CALN1: variants seen among roughly 807,000 people sequenced by gnomAD.
The protein encoded by CALN1 is calcium-binding protein 8.
Under a neutral mutation model 30.6 loss-of-function variants are expected in CALN1, and 17 were observed. That is an observed-to-expected ratio of 0.56 (90% CI 0.38 to 0.83). The LOEUF (loss-of-function observed/expected upper bound fraction) is 0.83, where lower values mean the gene tolerates loss of function less well. Among genes scored for constraint, CALN1 ranks in the 40% least tolerant of loss-of-function variants. The pLI, the probability that CALN1 is intolerant of heterozygous loss-of-function variation, is 0.00. For missense variants in CALN1, 291 were observed against 354.9 expected (o/e 0.82, Z 1.45); for synonymous variants, 156 against 131.4 (o/e 1.19, Z -1.28).
At chr7:72,242,623 C>G (rs1794913988) in intron 3 of CALN1, among the ~76,000 whole-genome samples, 1 of 152,200 alleles carries the variant, frequency 6.6e-6, no homozygotes, top group Admixed American at 6.5e-5. Flanking sequence ...CGCAGTGGCT[C>G]AAACATGTAA....
At chr7:71,882,058 C>T (rs1792603151) in intron 5 of CALN1, among the ~76,000 whole-genome samples, 1 of 151,958 alleles carries the variant, frequency 6.6e-6, no homozygotes, top group African/African-American at 2.4e-5. Context: ...CAGAGTCAGA[C>T]CCTGTCTCTT....
At chr7:72,312,265 G>A (rs369092873) in intron 2 of CALN1, among the ~76,000 whole-genome samples, 3 of 152,154 alleles carry the variant, frequency 2.0e-5, no homozygotes, top group East Asian at 3.9e-4. Flanking sequence ...TTAGCAGGGT[G>A]TGGTGGTGCA....
chr7:72,220,766 T>C (rs1793229942), intron 3 of CALN1, among the ~76,000 whole-genome samples: 1 of 152,190 alleles, frequency 6.6e-6, no homozygotes, highest in Non-Finnish European at 1.5e-5. Context: ...CTCATTGTGG[T>C]TTTGATTTGC....
chr7:72,043,690 G>T (rs1179861928), intron 4 of CALN1, among the ~76,000 whole-genome samples: 1 of 152,194 alleles, frequency 6.6e-6, no homozygotes, highest in African/African-American at 2.4e-5. Flanking sequence ...AGGATCGCTT[G>T]AGCCCAGGAG....
At chr7:71,895,318 C>CTT (rs56366031) in intron 5 of CALN1, among the ~76,000 whole-genome samples, 12 of 150,754 alleles carry the variant, frequency 8.0e-5, no homozygotes, top group Admixed American at 5.3e-4. Context: ...TCTCTCTTTT[C>CTT]TTTTTTTTTG....
intron 3 of CALN1, among the ~76,000 whole-genome samples, chr7:72,204,471 C>T (rs1043918025): frequency 6.6e-6 from 1 of 152,074 alleles, no homozygotes; most frequent in Non-Finnish European, 1.5e-5. Flanking sequence ...ACACAACCAA[C>T]CCGATCATTG....
intron 5 of CALN1, among the ~76,000 whole-genome samples, chr7:72,001,354 C>T (rs1799519847): frequency 6.6e-6 from 1 of 152,212 alleles, no homozygotes; most frequent in Admixed American, 6.5e-5. Flanking sequence ...CACTAAGTGG[C>T]AAAGTGGCAG....
intron 5 of CALN1, among the ~76,000 whole-genome samples, chr7:71,876,967 G>A (rs1185288161): frequency 6.6e-6 from 1 of 152,144 alleles, no homozygotes; most frequent in East Asian, 1.9e-4. Flanking sequence ...CTTACGTTGT[G>A]TTCAGATAAC....
At chr7:72,324,582 T>G (rs1392172297) in intron 2 of CALN1, among the ~76,000 whole-genome samples, 1 of 151,212 alleles carries the variant, frequency 6.6e-6, no homozygotes, top group Non-Finnish European at 1.5e-5. Context: ...ATTTATTTAT[T>G]TATTTATTTA....
intron 5 of CALN1, among the ~76,000 whole-genome samples, chr7:71,829,983 G>C (rs557793932): frequency 3.3e-5 from 5 of 151,218 alleles, no homozygotes; most frequent in African/African-American, 1.2e-4. Flanking sequence ...CTGTCTGTCT[G>C]TCTCTCTCTC....
intron 2 of CALN1, among the ~76,000 whole-genome samples, chr7:72,366,238 A>G (rs1312770925): frequency 6.6e-6 from 1 of 151,966 alleles, no homozygotes; most frequent in Non-Finnish European, 1.5e-5. Flanking sequence ...CAGTGGCGCC[A>G]TCTCAGCTCA....
intron 2 of CALN1, among the ~76,000 whole-genome samples, chr7:72,382,180 G>A (rs1437647457): frequency 6.6e-6 from 1 of 152,212 alleles, no homozygotes; most frequent in Non-Finnish European, 1.5e-5. Flanking sequence ...TGGGAGCACT[G>A]TCCGTGGGCA....
At chr7:72,164,349 CAAA>C (rs71531792) in intron 3 of CALN1, among the ~76,000 whole-genome samples, 18 of 117,414 alleles carry the variant, frequency 1.5e-4, no homozygotes, top group Admixed American at 3.6e-4. Flanking sequence ...AACACTCCGT[CAAA>C]AAAAAAAAAA....
intron 3 of CALN1, among the ~76,000 whole-genome samples, chr7:72,190,810 A>AT (rs1349803645): frequency 6.6e-6 from 1 of 151,802 alleles, no homozygotes; most frequent in East Asian, 1.9e-4. Context: ...GCTCTGCCCT[A>AT]TTCAAGTGCC....
chr7:72,141,829 A>G (rs765112447), intron 3 of CALN1, among the ~76,000 whole-genome samples: 5 of 152,124 alleles, frequency 3.3e-5, no homozygotes, highest in Non-Finnish European at 5.9e-5. Flanking sequence ...TTGGCCTCCC[A>G]AAGTGCTGGG....
intron 1 of CALN1, among the ~76,000 whole-genome samples, chr7:72,410,952 A>AATAAAGTTATTTTAAGGTGAT (rs1200132092): frequency 1.2e-4 from 18 of 145,056 alleles, no homozygotes; most frequent in Non-Finnish European, 2.2e-4. Context: ...TGGGAAAAGA[A>AATAAAGTTATTTTAAGGTGAT]ATAAAGTTAT....
chr7:71,793,694 A>C (rs763096359), intron 6 of CALN1, among the ~76,000 whole-genome samples: 2 of 152,130 alleles, frequency 1.3e-5, no homozygotes, highest in Non-Finnish European at 2.9e-5. Flanking sequence ...CAACATGGCA[A>C]AACCCCATCT....
chr7:72,408,362 T>G (rs1169334395), intron 1 of CALN1, among the ~76,000 whole-genome samples: 1 of 151,814 alleles, frequency 6.6e-6, no homozygotes, highest in African/African-American at 2.4e-5. Flanking sequence ...AGAGAATCAC[T>G]TGAACCCGGG....
intron 2 of CALN1, among the ~76,000 whole-genome samples, chr7:72,390,626 A>G (rs1313563737): frequency 6.6e-6 from 1 of 152,178 alleles, no homozygotes; most frequent in African/African-American, 2.4e-5. Context: ...AATGCAAGCC[A>G]CAAGGCACCG....
Sources: allele counts gnomAD v4.1 joint callset (sites outside exome capture counted in the v4.1 genomes callset), GRCh38; gene constraint gnomAD v4.1.1; transcripts MANE v1.5; gene names NCBI Gene and HGNC (gene_info 2026-07-23, HGNC 2026-07-21).